MGAM2: variants seen among roughly 807,000 people sequenced by gnomAD.
MGAM2 encodes probable maltase-glucoamylase 2.
MGAM2 carries 98 observed loss-of-function variants against 96.1 expected under a neutral mutation model. The observed-to-expected ratio is 1.02, with a 90% confidence interval of 0.87 to 1.21. The LOEUF is 1.21. Ranked by LOEUF, MGAM2 falls within the 50% of genes most tolerant of loss-of-function variation. MGAM2 has a pLI of 0.00. For synonymous variants in MGAM2, 749 were observed against 414.8 expected (o/e 1.81, Z -9.79); for missense variants, 2,055 against 1,182.4 (o/e 1.74, Z -10.82).
intron 43 of MGAM2, 109 bp downstream of exon 43, chr7:142,198,304 T>A: frequency 1.6e-6 from 1 of 632,318 alleles, no homozygotes; most frequent in Admixed American, 2.6e-5. Context: ...AATTTTGACC[T>A]TTTTAGCCTT....
intron 7 of MGAM2, among the ~76,000 whole-genome samples, chr7:142,135,898 T>C (rs951938303): frequency 1.8e-4 from 28 of 152,266 alleles, no homozygotes; most frequent in East Asian, 1.9e-4. Flanking sequence ...TACAACTAGG[T>C]GTAAAAAATT....
chr7:142,135,723 T>TGCACACACAC (rs1554502849), intron 7 of MGAM2, among the ~76,000 whole-genome samples: 2 of 145,114 alleles, frequency 1.4e-5, no homozygotes, highest in African/African-American at 5.1e-5. Flanking sequence ...CACTTAGAGT[T>TGCACACACAC]ACACACACAC....
intron 32 of MGAM2, among the ~76,000 whole-genome samples, chr7:142,180,427 C>G (rs1796502793): frequency 6.6e-6 from 1 of 151,914 alleles, no homozygotes; most frequent in South Asian, 2.1e-4. Flanking sequence ...TATAGTTCTT[C>G]TAGATGTGAA....
intron 30 of MGAM2, among the ~76,000 whole-genome samples, 168 bp downstream of exon 30, chr7:142,172,932 T>C (rs1796243358): frequency 6.6e-6 from 1 of 152,226 alleles, no homozygotes; most frequent in Non-Finnish European, 1.5e-5. Flanking sequence ...TATAAAGCCA[T>C]ATTAATATCC....
chr7:142,141,386 C>T (rs2129080597), intron 12 of MGAM2, among the ~76,000 whole-genome samples: 1 of 152,160 alleles, frequency 6.6e-6, no homozygotes, highest in African/African-American at 2.4e-5. Context: ...TAAAGCCCTC[C>T]CACCTCCAAA....
intron 46 of MGAM2, among the ~76,000 whole-genome samples, chr7:142,217,867 C>G (rs748531256): frequency 6.6e-6 from 1 of 152,128 alleles, no homozygotes. Context: ...AGGAGGATCA[C>G]GTGGTCAGGG....
chr7:142,114,649 T>C (rs1364267428), intron 1 of MGAM2, among the ~76,000 whole-genome samples: 1 of 152,092 alleles, frequency 6.6e-6, no homozygotes, highest in Non-Finnish European at 1.5e-5. Context: ...TGGAATGAAA[T>C]TTTTGAGAAA....
intron 46 of MGAM2, among the ~76,000 whole-genome samples, chr7:142,211,735 C>A (rs761862865): frequency 6.6e-6 from 1 of 152,116 alleles, no homozygotes; most frequent in African/African-American, 2.4e-5. Flanking sequence ...CTGAAAGTGA[C>A]GAGGAGAATG....
Position 142,160,178 on chromosome 7 carries a change from C to A in MGAM2, c.2265C>A (p.Leu755=), listed in dbSNP as rs755297806. 3 of 702,546 alleles carry A rather than the reference C, an allele frequency of 4.3e-6. No individual in the cohort carries two copies. The highest frequency in any genetic ancestry group is 7.8e-6 in the Non-Finnish European group (3 of 384,808). 43.5% of individuals were successfully genotyped at this position (702,546 alleles called of 1,614,324 possible). ...SWRKQLVNML[L]PGDKIGLHLR... The stretch of plus-strand genomic sequence containing the variant: ...GGAAACAGTTGGTGAATATGCTTCT[C>A]CCAGGTGACAAGATAGGACTTCATC... The change falls in exon 21 of 48, where the codon CTC becomes CTA. Residue 755 remains leucine, a synonymous_variant. Coordinates refer to ENST00000477922, the MANE Select transcript of MGAM2 (RefSeq NM_001293626.2).
chr7:142,159,236 A>G (rs1415648031), intron 19 of MGAM2, 51 bp from the exon 20 acceptor site: 2 of 698,010 alleles, frequency 2.9e-6, no homozygotes, highest in African/African-American at 3.5e-5. Flanking sequence ...GGTGTTTTGT[A>G]AACTGTAGAG....
chr7:142,172,217 A>G (rs1334825553), intron 29 of MGAM2, 23 bp downstream of exon 29: 2 of 700,846 alleles, frequency 2.9e-6, no homozygotes, highest in Non-Finnish European at 5.2e-6. Flanking sequence ...CACAGCTCCC[A>G]TGCACCACCA....
intron 45 of MGAM2, among the ~76,000 whole-genome samples, chr7:142,206,858 T>C (rs1488146717): frequency 6.6e-6 from 1 of 152,234 alleles, no homozygotes; most frequent in Non-Finnish European, 1.5e-5. Flanking sequence ...TTTCCTCACA[T>C]AGGTGATATA....
intron 43 of MGAM2, 135 bp from the exon 44 acceptor site, chr7:142,198,480 A>AT: frequency 1.7e-6 from 1 of 593,558 alleles, no homozygotes; most frequent in East Asian, 2.8e-5. Flanking sequence ...AAGATCAGAG[A>AT]TTTTCTCTTT....
chr7:142,130,571 C>T (rs770709314), intron 3 of MGAM2, among the ~76,000 whole-genome samples: 3 of 152,172 alleles, frequency 2.0e-5, no homozygotes, highest in Non-Finnish European at 4.4e-5. Flanking sequence ...CTCTCCCTAC[C>T]CCACTCCACG....
chr7:142,194,452 C>CT (rs1011841236), intron 37 of MGAM2, among the ~76,000 whole-genome samples: 1 of 152,180 alleles, frequency 6.6e-6, no homozygotes, highest in African/African-American at 2.4e-5. Context: ...AGTCACTACT[C>CT]TATCTTCCTG....
chr7:142,196,912 C>T lies in MGAM2; in HGVS notation c.4632+96C>T, dbSNP rs370112548. The T allele has an allele frequency of 5.9e-5, 37 of 623,574 alleles. No homozygotes were observed. In the African/African-American group the frequency reaches 6.6e-4, roughly 11 times the overall value. 38.6% of individuals were successfully genotyped at this position (623,574 alleles called of 1,614,324 possible). A position where few individuals can be genotyped will look rare whatever the true frequency, so the allele number is the denominator to read the frequency against. The stretch of plus-strand genomic sequence containing the variant: ...ATTATACTCATTTCCTGAGAAAAAT[C>T]AAAAAACATCACCAGAATCTTAATT... On this transcript the variant is annotated intron_variant, in intron 40 of 47. Coordinates refer to ENST00000477922, the MANE Select transcript of MGAM2 (RefSeq NM_001293626.2).
At chr7:142,114,196 AAGAAAGAAAGAAAGAAAGAG>A (rs1563242680) in intron 1 of MGAM2, among the ~76,000 whole-genome samples, 3 of 134,478 alleles carry the variant, frequency 2.2e-5, no homozygotes, top group African/African-American at 6.7e-5. Context: ...GAAAGAAAGA[AAGAAAGAAAGAAAGAAAGAG>A]AGAAAGAAAG....
At position 142,220,561 on chromosome 7, in the gene MGAM2, C is replaced by T. The variant is rs1352010337; in HGVS notation, c.6050C>T (p.Pro2017Leu). 4.3e-6 allele frequency: 3 copies of T among 697,762 alleles called. No homozygotes were observed. The highest frequency in any genetic ancestry group is 3.0e-5 in the South Asian group (2 of 66,880). The allele number at this position is 697,762 out of a possible 1,614,324, so 43.2% of individuals were successfully genotyped here. A position where few individuals can be genotyped will look rare whatever the true frequency, so the allele number is the denominator to read the frequency against. ...ACTAGTGCTAGCACTAATGCTACCC[C>T]TGTTCCTATCACAACCACACTTTTT... is the stretch of plus-strand genomic sequence containing the variant. ...STTSASTNAT[P>L]VPITTTLFAT... Residue 2017 changes from proline to leucine, a missense_variant, in exon 48 of 48, where the codon CCT (proline) becomes CTT (leucine). Physicochemically the swap from Pro to Leu is moderately conservative, Grantham distance 98 (BLOSUM62 -3). Coordinates refer to ENST00000477922, the MANE Select transcript of MGAM2 (RefSeq NM_001293626.2).
At position 142,221,071 on chromosome 7, in the gene MGAM2, C is replaced by A. The variant is rs917444279; in HGVS notation, c.6560C>A (p.Ala2187Glu). 9 of 702,494 alleles carry A rather than the reference C, an allele frequency of 1.3e-5. No individual in the cohort carries two copies. The highest frequency in any genetic ancestry group is 2.3e-4 in the Middle Eastern group (1 of 4,366). The allele number at this position is 702,494 out of a possible 1,614,324, so 43.5% of individuals were successfully genotyped here. A position where few individuals can be genotyped will look rare whatever the true frequency, so the allele number is the denominator to read the frequency against. ...TVPVTAIPSL[A>E]NTGVDTTSNS... ...CCAGTTACAGCTATTCCTTCTCTTG[C>A]AAATACTGGTGTTGACACTACTAGC... is the stretch of plus-strand genomic sequence containing the variant. The change falls in exon 48 of 48, where the codon GCA becomes GAA. Residue 2187 changes from alanine (A) to glutamate (E), a missense_variant. Transcript: ENST00000477922.
Sources: gnomAD v4.1 joint callset for allele counts (sites outside exome capture counted in the v4.1 genomes callset) on GRCh38, gnomAD v4.1.1 for gene constraint, MANE v1.5 for transcripts, NCBI Gene and HGNC (gene_info 2026-07-23, HGNC 2026-07-21) for gene names.